The following NAV3 variants were observed in gnomAD, a reference collection of about 807,000 sequenced individuals.
NAV3 encodes the protein pore membrane and/or filament interacting like protein 1.
In NAV3, 87 loss-of-function variants were observed where a neutral mutation model predicts 244.7. That is an observed-to-expected ratio of 0.36 (90% CI 0.30 to 0.42). NAV3 has a LOEUF of 0.42. Ranked by LOEUF, NAV3 falls within the 20% of genes least tolerant of loss-of-function variation. NAV3 has a pLI of 1.00. For synonymous variants in NAV3, 1,126 were observed against 1,042.2 expected, an observed-to-expected ratio of 1.08 and a Z score of -1.55; for missense variants, 2,663 against 2,893.3, an observed-to-expected ratio of 0.92 and a Z score of 1.83.
intron 24 of NAV3, among the ~76,000 whole-genome samples, chr12:78,170,154 A>T (rs1345171162): frequency 6.6e-6 from 1 of 151,674 alleles, no homozygotes; most frequent in African/African-American, 2.4e-5. Flanking sequence ...CTCCACGTGG[A>T]TATCTTTGGA....
chr12:78,087,599 A>G (rs1217273429), intron 12 of NAV3, among the ~76,000 whole-genome samples: 3 of 152,058 alleles, frequency 2.0e-5, no homozygotes, highest in Non-Finnish European at 4.4e-5. Context: ...GTTATAATCT[A>G]GCAATGGTCA....
chr12:78,116,686 A>T (rs2138510018), intron 12 of NAV3, 86 bp from the exon 13 acceptor site: 1 of 1,318,826 alleles, frequency 7.6e-7, no homozygotes, highest in East Asian at 2.6e-5. Flanking sequence ...TCTTAATAAT[A>T]AATTGTGAAT....
Position 78,185,627 on chromosome 12 carries a change from G to T in NAV3, c.5719G>T (p.Ala1907Ser), listed in dbSNP as rs1184801539. The T allele has an allele frequency of 1.7e-5, 27 of 1,608,238 alleles. No individual in the cohort carries two copies. The highest frequency in any genetic ancestry group is 6.7e-5 in the Admixed American group (4 of 59,746). ...TATTTTGCTAGATGATGCTGGTGAT[G>T]CAACTGGACATAAAGATGGCCGCAG... ...SDILLDDAGDATGHKDGRSVK... is the reference protein window; with the variant it reads ...SDILLDDAGDSTGHKDGRSVK... The change falls in exon 31 of 40, where the codon GCA becomes TCA. Residue 1907 changes from alanine to serine, a missense_variant. This residue lies in a region of NAV3 where 543 missense variants were observed against 672.4 expected (regional missense o/e 0.81). Coordinates refer to ENST00000397909, the MANE Select transcript of NAV3 (RefSeq NM_001024383.2).
intron 2 of NAV3, among the ~76,000 whole-genome samples, chr12:77,672,455 T>TA (rs1424828401): frequency 6.6e-6 from 1 of 152,108 alleles, no homozygotes; most frequent in Admixed American, 6.6e-5. Context: ...CACGCATGCT[T>TA]ACAGCAGCAC....
rs2140016524 is a variant in NAV3 at position 78,199,534 on chromosome 12, G to C, written c.6715+3G>C. The stretch of plus-strand genomic sequence containing the variant: ...CAGTTCTTCTGACGTTACCATTGGT[G>C]AGTTCCAAAATTATAATATGCCATT... On this transcript the variant is annotated splice_donor_region_variant and intron_variant, in intron 37 of 39. Coordinates refer to ENST00000397909, the MANE Select transcript of NAV3 (RefSeq NM_001024383.2). 1 of 1,568,648 alleles carries C rather than the reference G, an allele frequency of 6.4e-7. No individual in the cohort carries two copies. Among genetic ancestry groups the C allele is most frequent in the Non-Finnish European group, 8.6e-7 (1 of 1,161,994 alleles).
chr12:77,591,661 G>A (rs549518081), intron 2 of NAV3, among the ~76,000 whole-genome samples: 26 of 152,262 alleles, frequency 1.7e-4, no homozygotes, highest in African/African-American at 4.1e-4. Flanking sequence ...CATATAACAT[G>A]TTATTCTAGA....
At chr12:77,802,834 G>GT (rs1370813315) in intron 2 of NAV3, among the ~76,000 whole-genome samples, 5 of 151,638 alleles carry the variant, frequency 3.3e-5, no homozygotes, top group African/African-American at 9.7e-5. Context: ...GGCTAATTTT[G>GT]TTTTTTGTAT....
intron 1 of NAV3, among the ~76,000 whole-genome samples, chr12:77,917,214 T>C (rs1012682592): frequency 6.6e-6 from 1 of 152,012 alleles, no homozygotes; most frequent in Non-Finnish European, 1.5e-5. Context: ...TACTTTAACC[T>C]TCCTTATAAC....
chr12:78,197,206 A>C (rs1959188589), intron 34 of NAV3, 41 bp from the exon 35 acceptor site: 1 of 1,443,634 alleles, frequency 6.9e-7, no homozygotes, highest in African/African-American at 1.4e-5. Context: ...TATTAGTATA[A>C]ATTTATCACT....
intron 2 of NAV3, among the ~76,000 whole-genome samples, chr12:77,757,774 C>T (rs1374786887): frequency 6.6e-6 from 1 of 152,024 alleles, no homozygotes; most frequent in African/African-American, 2.4e-5. Context: ...GTTTAGTTTC[C>T]TCAAAGGAAT....
At chr12:78,124,495 C>T (rs2853474) in intron 16 of NAV3, among the ~76,000 whole-genome samples, 92,948 of 151,926 alleles carry the variant, frequency 0.61, 28,709 homozygotes, top group Admixed American at 0.64. Flanking sequence ...ACTCTGTCGC[C>T]CAGGCTGGAG....
intron 1 of NAV3, among the ~76,000 whole-genome samples, chr12:77,932,155 C>G (rs1316534138): frequency 2.6e-5 from 4 of 152,046 alleles, no homozygotes; most frequent in African/African-American, 4.8e-5. Context: ...AAATCAGTTG[C>G]TGGGGTCTCA....
intron 12 of NAV3, among the ~76,000 whole-genome samples, chr12:78,106,187 AT>A (rs1216388899): frequency 2.0e-5 from 3 of 152,082 alleles, no homozygotes; most frequent in Non-Finnish European, 4.4e-5. Context: ...AGCCAAAAAA[AT>A]CAATAAAACA....
At chr12:77,609,606 G>C (rs756479707) in intron 2 of NAV3, among the ~76,000 whole-genome samples, 1 of 152,052 alleles carries the variant, frequency 6.6e-6, no homozygotes, top group Non-Finnish European at 1.5e-5. Context: ...GATTTAATAA[G>C]TTAGAGATGG....
chr12:78,166,592 G>A (rs1225897000), intron 23 of NAV3, among the ~76,000 whole-genome samples: 2 of 151,660 alleles, frequency 1.3e-5, no homozygotes, highest in East Asian at 3.9e-4. Flanking sequence ...CATATATTGT[G>A]CCACATTGAG....
intron 9 of NAV3, among the ~76,000 whole-genome samples, chr12:78,040,482 A>T (rs1345179402): frequency 1.3e-5 from 2 of 152,180 alleles, no homozygotes; most frequent in African/African-American, 4.8e-5. Context: ...AAGGAAATGA[A>T]GTAGATGTGA....
intron 2 of NAV3, among the ~76,000 whole-genome samples, chr12:77,787,697 G>C (rs1341748435): frequency 6.6e-6 from 1 of 152,168 alleles, no homozygotes; most frequent in Non-Finnish European, 1.5e-5. Flanking sequence ...AGGATTATGG[G>C]AACTACAATT....
At chr12:77,703,003 G>T (rs1330565799) in intron 2 of NAV3, among the ~76,000 whole-genome samples, 1 of 151,856 alleles carries the variant, frequency 6.6e-6, no homozygotes, top group African/African-American at 2.4e-5. Flanking sequence ...TTTGGTTAAT[G>T]TCTTTATTTT....
chr12:77,962,790 C>G (rs1298877986), intron 3 of NAV3, among the ~76,000 whole-genome samples: 1 of 152,086 alleles, frequency 6.6e-6, no homozygotes, highest in East Asian at 1.9e-4. Context: ...GAAGACAGTA[C>G]AGTGCACTAG....
Sources: allele counts gnomAD v4.1 joint callset (sites outside exome capture counted in the v4.1 genomes callset), GRCh38; gene constraint gnomAD v4.1.1; regional missense constraint gnomAD v4.1.1; transcripts MANE v1.5; gene names NCBI Gene and HGNC (gene_info 2026-07-23, HGNC 2026-07-21).